ACTR3C: variants seen among roughly 807,000 people sequenced by gnomAD.
ACTR3C encodes the protein actin related protein 3C, also known as actin-related protein 3C.
ACTR3C carries 18 observed loss-of-function variants against 26.3 expected under a neutral mutation model. The ratio of observed to expected loss-of-function variants is 0.68; its 90% CI spans 0.47 to 1.01. ACTR3C has a LOEUF of 1.01. ACTR3C is among the 50% of genes least tolerant of loss of function. The pLI, the probability that ACTR3C is intolerant of heterozygous loss-of-function variation, is 0.00. For synonymous variants in ACTR3C, 55 were observed against 94.5 expected (o/e 0.58, Z 2.42); for missense variants, 184 against 250.7 (o/e 0.73, Z 1.80).
the ACTR3C span, among the ~76,000 whole-genome samples, chr7:150,034,777 G>GT: frequency 6.7e-6 from 1 of 148,276 alleles, no homozygotes; most frequent in South Asian, 2.1e-4. Flanking sequence ...CCTAAGCCAG[G>GT]GGGGGAAGAG....
the ACTR3C span, among the ~76,000 whole-genome samples, chr7:150,091,450 T>C: frequency 2.0e-3 from 76 of 37,164 alleles, no homozygotes; most frequent in African/African-American, 6.8e-3. Context: ...TGGCTGAAAC[T>C]GGGCTCAACT....
chr7:150,289,217 C>G (rs1321622046), intron 4 of ACTR3C, among the ~76,000 whole-genome samples: 2 of 151,936 alleles, frequency 1.3e-5, no homozygotes, highest in Non-Finnish European at 2.9e-5. Context: ...CGCTGGTACG[C>G]TGTACCAGCT....
At chr7:149,926,027 C>A in the ACTR3C span, among the ~76,000 whole-genome samples, 1 of 151,946 alleles carries the variant, frequency 6.6e-6, no homozygotes, top group Non-Finnish European at 1.5e-5. Flanking sequence ...TGTGCCGCCG[C>A]ACTCTAGCAT....
the ACTR3C span, among the ~76,000 whole-genome samples, chr7:150,140,414 G>C: frequency 6.6e-6 from 1 of 152,084 alleles, no homozygotes; most frequent in African/African-American, 2.4e-5. Flanking sequence ...CAATTTTAAA[G>C]AAGTTCTACT....
At chr7:149,904,224 T>G in the ACTR3C span, among the ~76,000 whole-genome samples, 3 of 147,892 alleles carry the variant, frequency 2.0e-5, no homozygotes, top group Admixed American at 2.0e-4. Context: ...GCCTGGCCTG[T>G]AAGAGCTTTT....
At chr7:149,901,664 A>C in the ACTR3C span, among the ~76,000 whole-genome samples, 1 of 152,142 alleles carries the variant, frequency 6.6e-6, no homozygotes, top group Non-Finnish European at 1.5e-5. Flanking sequence ...CACGCCTGTA[A>C]TCACTTTGAC....
intron 6 of ACTR3C, among the ~76,000 whole-genome samples, chr7:150,268,077 A>G (rs1466062626): frequency 6.6e-6 from 1 of 152,098 alleles, no homozygotes; most frequent in Non-Finnish European, 1.5e-5. Context: ...GCCTTGCTGA[A>G]AAGGTGGCAT....
At chr7:150,048,872 G>C in the ACTR3C span, among the ~76,000 whole-genome samples, 2 of 152,072 alleles carry the variant, frequency 1.3e-5, no homozygotes, top group Non-Finnish European at 1.5e-5. Flanking sequence ...CTCCGGAGGA[G>C]AGCAGGAAAG....
the ACTR3C span, among the ~76,000 whole-genome samples, chr7:150,064,644 T>TCACACACACACA: frequency 7.0e-5 from 7 of 99,396 alleles, no homozygotes; most frequent in African/African-American, 2.6e-4. Flanking sequence ...TTGTTTATTT[T>TCACACACACACA]CACATACACA....
chr7:150,237,284 G>A, the ACTR3C span, among the ~76,000 whole-genome samples: 1 of 152,194 alleles, frequency 6.6e-6, no homozygotes, highest in South Asian at 2.1e-4. Context: ...GTGCCCACCA[G>A]CCTGACTTTC....
chr7:150,317,215 AT>A (rs1158699078), intron 1 of ACTR3C, among the ~76,000 whole-genome samples: 1 of 151,700 alleles, frequency 6.6e-6, no homozygotes, highest in Non-Finnish European at 1.5e-5. Context: ...TGCCCGGCTA[AT>A]TTTTTGTATT....
chr7:150,001,150 T>C, the ACTR3C span: 2 of 152,232 alleles, frequency 1.3e-5, no homozygotes, highest in African/African-American at 4.8e-5. Flanking sequence ...CCCCTCCAAA[T>C]GGTGTCTCTT....
At chr7:150,072,645 T>C in the ACTR3C span, among the ~76,000 whole-genome samples, 1 of 151,662 alleles carries the variant, frequency 6.6e-6, no homozygotes, top group Non-Finnish European at 1.5e-5. Context: ...TGCATGGCTC[T>C]GTCCTCTTCT....
At chr7:149,927,093 A>C in the ACTR3C span, among the ~76,000 whole-genome samples, 1 of 151,418 alleles carries the variant, frequency 6.6e-6, no homozygotes, top group Non-Finnish European at 1.5e-5. Flanking sequence ...TAAGGTGTGC[A>C]CTTTTACCGA....
chr7:150,027,120 C>T, the ACTR3C span, among the ~76,000 whole-genome samples: 1 of 152,064 alleles, frequency 6.6e-6, no homozygotes, highest in Admixed American at 6.5e-5. Flanking sequence ...CAGTGAACGA[C>T]ACAGTCCACA....
the ACTR3C span, among the ~76,000 whole-genome samples, chr7:150,113,587 A>G: frequency 3.3e-5 from 5 of 152,214 alleles, no homozygotes; most frequent in Non-Finnish European, 4.4e-5. Context: ...CAATGACACC[A>G]ATTTATACTG....
the ACTR3C span, among the ~76,000 whole-genome samples, chr7:150,056,164 G>A: frequency 6.6e-6 from 1 of 152,162 alleles, no homozygotes; most frequent in Non-Finnish European, 1.5e-5. Flanking sequence ...AACCACAGGT[G>A]CATGTTTAAT....
At chr7:150,213,440 T>G in the ACTR3C span, among the ~76,000 whole-genome samples, 1 of 152,080 alleles carries the variant, frequency 6.6e-6, no homozygotes, top group Non-Finnish European at 1.5e-5. Flanking sequence ...TTAGTGAAGG[T>G]CAATAACAAA....
intron 1 of ACTR3C, among the ~76,000 whole-genome samples, chr7:150,322,229 C>A (rs887687896): frequency 3.2e-4 from 48 of 152,116 alleles, no homozygotes; most frequent in African/African-American, 1.1e-3. Context: ...GGTGTTTAAG[C>A]CAGAATTACT....
Sources: allele counts gnomAD v4.1 joint callset (sites outside exome capture counted in the v4.1 genomes callset), GRCh38; gene constraint gnomAD v4.1.1; transcripts MANE v1.5; gene names NCBI Gene and HGNC (gene_info 2026-07-23, HGNC 2026-07-21).